Variants in PARN observed in about 807,000 individuals in gnomAD.
PARN encodes poly(A)-specific ribonuclease.
In PARN, 71 loss-of-function variants were observed where a neutral mutation model predicts 102.8. The ratio of observed to expected loss-of-function variants is 0.69; its 90% CI spans 0.57 to 0.84. The LOEUF (loss-of-function observed/expected upper bound fraction) is 0.84, where lower values mean the gene tolerates loss of function less well. Among genes scored for constraint, PARN ranks in the 40% least tolerant of loss-of-function variants. The pLI, the probability that PARN is intolerant of heterozygous loss-of-function variation, is 0.00. For synonymous variants in PARN, 261 were observed against 252.9 expected, an observed-to-expected ratio of 1.03 and a Z score of -0.30; for missense variants, 782 against 760.9, an observed-to-expected ratio of 1.03 and a Z score of -0.33.
intron 5 of PARN, among the ~76,000 whole-genome samples, chr16:14,626,370 G>T (rs1972663006): frequency 6.6e-6 from 1 of 152,060 alleles, no homozygotes; most frequent in South Asian, 2.1e-4. Flanking sequence ...GCTGGTCTCA[G>T]ACTCCTGAGC....
chr16:14,613,434 C>G (rs1971652388), intron 6 of PARN, among the ~76,000 whole-genome samples: 1 of 151,988 alleles, frequency 6.6e-6, no homozygotes, highest in African/African-American at 2.4e-5. Context: ...CCAGCCTGTC[C>G]AATATGGTAA....
intron 21 of PARN, among the ~76,000 whole-genome samples, chr16:14,548,061 G>A (rs186984668): frequency 4.9e-4 from 74 of 152,000 alleles, no homozygotes; most frequent in African/African-American, 1.7e-3. Flanking sequence ...TGTCTAACAC[G>A]GTGAAACCCT....
intron 22 of PARN, among the ~76,000 whole-genome samples, chr16:14,460,256 T>C (rs1961891516): frequency 6.6e-6 from 1 of 152,130 alleles, no homozygotes; most frequent in African/African-American, 2.4e-5. Flanking sequence ...TAAAAAATAA[T>C]GGATGGCCAA....
intron 22 of PARN, among the ~76,000 whole-genome samples, chr16:14,462,076 G>T (rs1055702480): frequency 1.3e-5 from 2 of 152,168 alleles, no homozygotes; most frequent in Non-Finnish European, 2.9e-5. Flanking sequence ...TGGGGGACTG[G>T]TGTTATTTAA....
chr16:14,530,724 G>GCTC (rs1966278780), intron 21 of PARN, among the ~76,000 whole-genome samples: 1 of 152,112 alleles, frequency 6.6e-6, no homozygotes, highest in African/African-American at 2.4e-5. Context: ...TGGGTGCCAT[G>GCTC]CTCCTCTCTC....
At chr16:14,540,649 C>G (rs1002093781) in intron 21 of PARN, among the ~76,000 whole-genome samples, 2 of 152,178 alleles carry the variant, frequency 1.3e-5, no homozygotes, top group African/African-American at 2.4e-5. Flanking sequence ...AGGTGCCAGC[C>G]AGGCACGGTG....
intron 5 of PARN, among the ~76,000 whole-genome samples, chr16:14,623,836 C>CA (rs1245560307): frequency 0.013 from 1,390 of 108,202 alleles, 10 homozygotes; most frequent in South Asian, 0.023. Context: ...GGCTCCATCT[C>CA]AAAAAAAAAA....
intron 6 of PARN, among the ~76,000 whole-genome samples, chr16:14,615,133 A>G (rs1007814479): frequency 6.6e-6 from 1 of 152,050 alleles, no homozygotes; most frequent in East Asian, 1.9e-4. Context: ...AAATGGAGAG[A>G]GATGAGGGTC....
chr16:14,568,115 C>T (rs1482689176), intron 18 of PARN, among the ~76,000 whole-genome samples: 1 of 151,982 alleles, frequency 6.6e-6, no homozygotes, highest in Non-Finnish European at 1.5e-5. Context: ...TGTGGGAGGC[C>T]GAGACGGGAG....
In PARN at chr16:14,554,113, G is replaced by A. The variant is rs1967502659; in HGVS notation, c.1357C>T (p.Pro453Ser). The A allele has an allele frequency of 1.2e-6, 2 of 1,613,360 alleles. No individual in the cohort carries two copies. Among genetic ancestry groups the A allele is most frequent in the East Asian group, 2.2e-5 (1 of 44,862 alleles). ...KRDHVLHVTF[P>S]KEWKTSDLYQ... ...AGGTCGCTGGTTTTCCATTCTTTGG[G>A]GAATGTCACATGGAGAACATGATCA... Residue 453 changes from proline to serine, a missense_variant, in exon 20 of 24, where the codon CCC (proline) becomes TCC (serine). Pro to Ser is a moderately conservative substitution (Grantham distance 74). Transcript: ENST00000437198.
chr16:14,476,977 C>A (rs533250865), intron 22 of PARN, among the ~76,000 whole-genome samples: 1 of 152,284 alleles, frequency 6.6e-6, no homozygotes, highest in East Asian at 1.9e-4. Flanking sequence ...AGGAAACAAA[C>A]CACAAGATGG....
chr16:14,444,983 A>ATTTTTT (rs564058919), intron 23 of PARN, among the ~76,000 whole-genome samples: 36 of 117,960 alleles, frequency 3.1e-4, no homozygotes, highest in Non-Finnish European at 4.0e-4. Flanking sequence ...TAATATTTAA[A>ATTTTTT]TTTTTTTTTT....
At chr16:14,459,854 A>T (rs189832798) in intron 22 of PARN, among the ~76,000 whole-genome samples, 1 of 152,340 alleles carries the variant, frequency 6.6e-6, no homozygotes, top group Admixed American at 6.5e-5. Flanking sequence ...TACGTATATG[A>T]CCAAATGATT....
At chr16:14,592,903 T>C (rs9921481) in intron 13 of PARN, among the ~76,000 whole-genome samples, 127,102 of 152,236 alleles carry the variant, frequency 0.83, 53,478 homozygotes, top group African/African-American at 0.95. Flanking sequence ...TATGGGAGGC[T>C]AAGGCAGGCG....
chr16:14,470,019 A>T (rs1039713904), intron 22 of PARN, among the ~76,000 whole-genome samples: 4 of 152,252 alleles, frequency 2.6e-5, no homozygotes, highest in African/African-American at 9.6e-5. Context: ...ACTCAATAAT[A>T]TAACACATTG....
Position 14,534,323 on chromosome 16 carries a change from T to C in PARN, c.1480+17698A>G, listed in dbSNP as rs1052642876. 3.3e-5 allele frequency among the ~76,000 whole-genome samples: 5 copies of C among 152,164 alleles called. No individual in the cohort carries two copies. The East Asian group carries it at 9.6e-4, about 29-fold the overall frequency. ...TTGCAAAATACCTTCCTAATTATTC[T>C]GTTGTTACTATAAAGAACACAGGGC... On this transcript the variant is annotated intron_variant, in intron 21 of 23. Coordinates refer to ENST00000437198, the MANE Select transcript of PARN (RefSeq NM_002582.4).
chr16:14,488,571 G>T (rs747305112), intron 21 of PARN, among the ~76,000 whole-genome samples: 11 of 152,324 alleles, frequency 7.2e-5, no homozygotes, highest in Admixed American at 1.3e-4. Flanking sequence ...GGCATGAGAA[G>T]CACGGTCACC....
chr16:14,617,576 A>C lies in PARN; in HGVS notation c.388+14T>G, dbSNP rs1972005667. The C allele has an allele frequency of 7.8e-7, 1 of 1,283,854 alleles. No homozygotes were observed. Among genetic ancestry groups the C allele is most frequent in the Non-Finnish European group, 1.1e-6 (1 of 878,626 alleles). 79.5% of individuals were successfully genotyped at this position (1,283,854 alleles called of 1,614,324 possible). A position where few individuals can be genotyped will look rare whatever the true frequency, so the allele number is the denominator to read the frequency against. ...GGTTTATAAGCTCTAAAGATAGGTT[A>C]CCCATAATCTTACCATTTCGAAAAA... On this transcript the variant is annotated intron_variant, in intron 6 of 23. Transcript: ENST00000437198.
At chr16:14,480,716 G>A (rs967189934) in intron 22 of PARN, among the ~76,000 whole-genome samples, 6 of 152,150 alleles carry the variant, frequency 3.9e-5, no homozygotes, top group South Asian at 4.1e-4. Flanking sequence ...CGAGGCAGGC[G>A]GATCACTTGA....
Sources: allele counts gnomAD v4.1 joint callset (sites outside exome capture counted in the v4.1 genomes callset), GRCh38; gene constraint gnomAD v4.1.1; transcripts MANE v1.5; gene names NCBI Gene and HGNC (gene_info 2026-07-23, HGNC 2026-07-21).